CDH13: variants seen among roughly 807,000 people sequenced by gnomAD.
CDH13 encodes cadherin 13.
CDH13 carries 24 observed loss-of-function variants against 63.8 expected under a neutral mutation model. That is an observed-to-expected ratio of 0.38 (90% CI 0.27 to 0.53). The LOEUF is 0.53. Among genes scored for constraint, CDH13 ranks in the 20% least tolerant of loss-of-function variants. The pLI is 0.85. For missense variants in CDH13, 1,049 were observed against 903.1 expected (o/e 1.16, Z -2.07); for synonymous variants, 503 against 355.3 (o/e 1.42, Z -4.67).
At chr16:83,076,575 G>A (rs986160829) in intron 3 of CDH13, among the ~76,000 whole-genome samples, 2 of 151,832 alleles carry the variant, frequency 1.3e-5, no homozygotes, top group African/African-American at 4.8e-5. Context: ...CCATAACCTC[G>A]ATTCTACAGT....
intron 2 of CDH13, among the ~76,000 whole-genome samples, chr16:82,882,653 C>G (rs941939752): frequency 1.3e-5 from 2 of 152,052 alleles, no homozygotes; most frequent in East Asian, 1.9e-4. Flanking sequence ...TTCCTTCTTT[C>G]CGTTCTCCCT....
intron 1 of CDH13, among the ~76,000 whole-genome samples, chr16:82,774,188 T>C (rs905234558): frequency 6.6e-6 from 1 of 152,164 alleles, no homozygotes; most frequent in African/African-American, 2.4e-5. Flanking sequence ...TCATAGTGGT[T>C]AAGAATATAG....
chr16:83,679,198 C>T lies in CDH13; in HGVS notation c.1538+737C>T, dbSNP rs143647836. ...TCGTAATGAGATTTAATTAAATGGT[C>T]GCTATCCACCCGTGGTGCATCTAAT... On this transcript the variant is annotated intron_variant, in intron 10 of 13. Coordinates refer to ENST00000567109, the MANE Select transcript of CDH13 (RefSeq NM_001257.5). Among the ~76,000 whole-genome samples the T allele has an allele frequency of 6.2e-3, 948 of 152,280 alleles. 12 individuals are homozygous for T. The highest frequency in any genetic ancestry group is 0.022 in the African/African-American group (902 of 41,538).
At chr16:82,915,373 A>T (rs1442043725) in intron 2 of CDH13, among the ~76,000 whole-genome samples, 2 of 152,204 alleles carry the variant, frequency 1.3e-5, no homozygotes, top group Non-Finnish European at 2.9e-5. Flanking sequence ...ACTTGACTCC[A>T]AGGGCCAAAG....
chr16:83,082,355 A>C (rs1260728834), intron 3 of CDH13, among the ~76,000 whole-genome samples: 2 of 152,082 alleles, frequency 1.3e-5, no homozygotes, highest in Admixed American at 1.3e-4. Context: ...ATTCAGAAAG[A>C]TCTCCCTGCC....
intron 4 of CDH13, among the ~76,000 whole-genome samples, chr16:83,161,964 T>A (rs1213294264): frequency 6.6e-6 from 1 of 152,218 alleles, no homozygotes; most frequent in Non-Finnish European, 1.5e-5. Context: ...GAATCCATCT[T>A]TTTCTATCAG....
At chr16:83,459,021 A>G (rs2073100484) in intron 6 of CDH13, among the ~76,000 whole-genome samples, 1 of 152,256 alleles carries the variant, frequency 6.6e-6, no homozygotes, top group Non-Finnish European at 1.5e-5. Flanking sequence ...TTAACTGTCA[A>G]TTCCAACAAA....
chr16:82,948,061 CT>C (rs1163229159), intron 2 of CDH13, among the ~76,000 whole-genome samples: 1 of 152,128 alleles, frequency 6.6e-6, no homozygotes, highest in Non-Finnish European at 1.5e-5. Flanking sequence ...ACTAAGCATT[CT>C]TTAATGGACA....
At chr16:83,644,665 G>T (rs1911622270) in intron 8 of CDH13, among the ~76,000 whole-genome samples, 1 of 152,204 alleles carries the variant, frequency 6.6e-6, no homozygotes, top group African/African-American at 2.4e-5. Context: ...TACAGAGGAT[G>T]AGGTTCATGG....
chr16:83,391,680 C>T (rs763460597), intron 6 of CDH13, among the ~76,000 whole-genome samples: 1 of 152,340 alleles, frequency 6.6e-6, no homozygotes, highest in Middle Eastern at 3.4e-3. Flanking sequence ...CAACACATTG[C>T]ATCAGCTGCC....
At chr16:83,623,997 G>A (rs1206535503) in intron 8 of CDH13, among the ~76,000 whole-genome samples, 4 of 152,158 alleles carry the variant, frequency 2.6e-5, no homozygotes, top group Admixed American at 6.5e-5. Context: ...GAATTTCCTG[G>A]AAGGCATTGG....
At chr16:83,431,283 C>G (rs1306405198) in intron 6 of CDH13, among the ~76,000 whole-genome samples, 1 of 151,848 alleles carries the variant, frequency 6.6e-6, no homozygotes, top group Non-Finnish European at 1.5e-5. Flanking sequence ...AACATACGTA[C>G]ACACCAGTTC....
intron 6 of CDH13, among the ~76,000 whole-genome samples, chr16:83,354,944 A>T (rs1273377432): frequency 6.6e-6 from 1 of 152,182 alleles, no homozygotes; most frequent in African/African-American, 2.4e-5. Context: ...GGTAGCGGGG[A>T]CACAGACTGT....
intron 3 of CDH13, among the ~76,000 whole-genome samples, chr16:83,117,173 G>T (rs947585558): frequency 1.3e-5 from 2 of 152,176 alleles, no homozygotes; most frequent in African/African-American, 4.8e-5. Flanking sequence ...CCCTTCCAGG[G>T]CTCACTCCTC....
chr16:83,521,879 G>C (rs1163860973), intron 7 of CDH13, among the ~76,000 whole-genome samples: 1 of 152,126 alleles, frequency 6.6e-6, no homozygotes, highest in African/African-American at 2.4e-5. Context: ...TATAATACAG[G>C]GCAAATCATC....
intron 1 of CDH13, among the ~76,000 whole-genome samples, chr16:82,729,722 T>A (rs2033297908): frequency 6.6e-6 from 1 of 152,202 alleles, no homozygotes; most frequent in Non-Finnish European, 1.5e-5. Context: ...CCTTTGAAGC[T>A]TTGAAGCCAG....
At chr16:83,676,753 A>T (rs993660262) in intron 9 of CDH13, among the ~76,000 whole-genome samples, 23 of 152,212 alleles carry the variant, frequency 1.5e-4, no homozygotes, top group African/African-American at 4.8e-4. Context: ...CAGTGTGTGT[A>T]TGTGGGCACA....
intron 7 of CDH13, among the ~76,000 whole-genome samples, chr16:83,512,488 ATG>A (rs2074595642): frequency 1.3e-5 from 2 of 150,614 alleles, no homozygotes; most frequent in Admixed American, 1.3e-4. Context: ...GGCCAATATG[ATG>A]AAACCGATCT....
chr16:83,438,249 C>G (rs956738724), intron 6 of CDH13, among the ~76,000 whole-genome samples: 4 of 152,240 alleles, frequency 2.6e-5, no homozygotes, highest in African/African-American at 9.6e-5. Context: ...TTGGTATTCA[C>G]CATGCTCCAT....
Sources: gnomAD v4.1 joint callset for allele counts (sites outside exome capture counted in the v4.1 genomes callset) on GRCh38, gnomAD v4.1.1 for gene constraint, MANE v1.5 for transcripts, NCBI Gene and HGNC (gene_info 2026-07-23, HGNC 2026-07-21) for gene names.